Variants in KCNIP4 observed in about 807,000 individuals in gnomAD.
KCNIP4 encodes the protein potassium voltage-gated channel interacting protein 4, also known as Kv channel-interacting protein 4.
In KCNIP4, 12 loss-of-function variants were observed where a neutral mutation model predicts 34.0. That is an observed-to-expected ratio of 0.35 (90% CI 0.23 to 0.57). The LOEUF is 0.57. KCNIP4 is among the 20% of genes least tolerant of loss of function. The probability of loss-of-function intolerance (pLI) is 0.83; values close to 1 mark genes in which losing one functional copy is unlikely to be tolerated. For missense variants in KCNIP4, 238 were observed against 311.7 expected (o/e 0.76, Z 1.78); for synonymous variants, 124 against 102.2 (o/e 1.21, Z -1.29).
At chr4:20,943,700 G>A (rs1358511281) in intron 1 of KCNIP4, among the ~76,000 whole-genome samples, 1 of 152,086 alleles carries the variant, frequency 6.6e-6, no homozygotes, top group Non-Finnish European at 1.5e-5. Context: ...GTCTCTAATA[G>A]TTTCCTCCAC....
chr4:21,169,660 T>G (rs1400290953), intron 1 of KCNIP4, among the ~76,000 whole-genome samples: 1 of 136,208 alleles, frequency 7.3e-6, no homozygotes, highest in Non-Finnish European at 1.6e-5. Flanking sequence ...TACTTTATAT[T>G]TGTGTGTGTG....
At chr4:21,309,958 T>G (rs1712958978) in intron 1 of KCNIP4, among the ~76,000 whole-genome samples, 1 of 151,874 alleles carries the variant, frequency 6.6e-6, no homozygotes. Context: ...AGATACTAGG[T>G]GGTATTTTTC....
At chr4:21,561,593 T>A (rs561018662) in intron 1 of KCNIP4, among the ~76,000 whole-genome samples, 31 of 152,100 alleles carry the variant, frequency 2.0e-4, no homozygotes, top group South Asian at 1.2e-3. Context: ...GCAGTTCTAT[T>A]GTTTTTCCTT....
intron 1 of KCNIP4, among the ~76,000 whole-genome samples, chr4:21,046,296 A>T (rs1412223647): frequency 1.3e-5 from 2 of 152,340 alleles, no homozygotes; most frequent in East Asian, 3.9e-4. Flanking sequence ...AAAGAATCAA[A>T]ACCCTGGACA....
chr4:21,308,720 G>GTA (rs1712780004), intron 1 of KCNIP4, among the ~76,000 whole-genome samples: 2 of 151,908 alleles, frequency 1.3e-5, no homozygotes, highest in Non-Finnish European at 2.9e-5. Context: ...GAGTGTGTGT[G>GTA]TGTGTGTGTG....
Position 21,302,599 on chromosome 4 carries a change from T to C in KCNIP4, c.62-419890A>G, listed in dbSNP as rs559853945. Among the ~76,000 whole-genome samples, 363 of 152,280 alleles carry C rather than the reference T, an allele frequency of 2.4e-3. 1 individual carries two copies. The highest frequency in any genetic ancestry group is 8.4e-3 in the African/African-American group (348 of 41,558). The stretch of plus-strand genomic sequence containing the variant: ...TTCTAGATTTTAGAACTTATCCTCT[T>C]TCTAGAACTACAGATATTTCCATCA... On this transcript the variant is annotated intron_variant, in intron 1 of 8. Coordinates refer to ENST00000382152, the MANE Select transcript of KCNIP4 (RefSeq NM_025221.6).
At chr4:21,363,732 A>G (rs1460433935) in intron 1 of KCNIP4, among the ~76,000 whole-genome samples, 2 of 152,146 alleles carry the variant, frequency 1.3e-5, no homozygotes, top group Non-Finnish European at 2.9e-5. Context: ...AGAGAATCCA[A>G]AGCTTGATAT....
intron 1 of KCNIP4, among the ~76,000 whole-genome samples, chr4:21,350,544 T>G (rs1471309522): frequency 6.6e-6 from 1 of 152,174 alleles, no homozygotes; most frequent in Non-Finnish European, 1.5e-5. Flanking sequence ...TAATGTGTCA[T>G]GGAAATGCAG....
Position 20,896,550 on chromosome 4 carries a change from G to A in KCNIP4, c.62-13841C>T, listed in dbSNP as rs140331631. Among the ~76,000 whole-genome samples, 1,447 of 152,230 alleles carry A rather than the reference G, an allele frequency of 9.5e-3. 20 individuals carry two copies. The highest frequency in any genetic ancestry group is 0.041 in the Middle Eastern group (12 of 292). ...GTGAGGACAGAGGCAAAGATTGAAG[G>A]GAAGCCAGCTAAGAGCCAAGAAATG... On this transcript the variant is annotated intron_variant, in intron 1 of 8. Transcript: ENST00000382152.
chr4:21,395,360 G>C (rs1288643450), intron 1 of KCNIP4, among the ~76,000 whole-genome samples: 2 of 152,066 alleles, frequency 1.3e-5, no homozygotes, highest in Admixed American at 6.6e-5. Flanking sequence ...TTAATCTTCT[G>C]TCTGTTTTCC....
At chr4:20,989,508 A>G (rs906867955) in intron 1 of KCNIP4, among the ~76,000 whole-genome samples, 3 of 152,198 alleles carry the variant, frequency 2.0e-5, no homozygotes, top group Non-Finnish European at 2.9e-5. Context: ...GTAAAATTCT[A>G]GAAGGAAAAT....
intron 1 of KCNIP4, among the ~76,000 whole-genome samples, chr4:21,204,523 T>A (rs756246113): frequency 6.6e-6 from 1 of 152,158 alleles, no homozygotes; most frequent in African/African-American, 2.4e-5. Context: ...CTGCCAATGA[T>A]TGGTTTTAGA....
intron 1 of KCNIP4, among the ~76,000 whole-genome samples, chr4:21,463,329 C>G (rs1027162708): frequency 6.6e-6 from 1 of 151,876 alleles, no homozygotes; most frequent in Non-Finnish European, 1.5e-5. Context: ...TGAGAAATGT[C>G]TAGTCAGGTC....
chr4:21,084,192 T>G (rs988187651), intron 1 of KCNIP4, among the ~76,000 whole-genome samples: 1 of 151,878 alleles, frequency 6.6e-6, no homozygotes, highest in Non-Finnish European at 1.5e-5. Context: ...TGCTCTCACA[T>G]GTATTTTAGG....
chr4:21,196,492 C>T (rs17448782), intron 1 of KCNIP4, among the ~76,000 whole-genome samples: 23 of 152,088 alleles, frequency 1.5e-4, no homozygotes, highest in African/African-American at 1.7e-4. Context: ...GCAGATGCCT[C>T]ATCTTAGCAA....
At chr4:21,234,215 T>A (rs1305422362) in intron 1 of KCNIP4, among the ~76,000 whole-genome samples, 4 of 104,920 alleles carry the variant, frequency 3.8e-5, no homozygotes, top group East Asian at 5.3e-4. Flanking sequence ...ATAACGTATA[T>A]TATATATAAC....
rs1743379548 is a variant in KCNIP4, at chr4:21,603,489, T to G, written c.61+345082A>C. On this transcript the variant is annotated intron_variant, in intron 1 of 8. Transcript: ENST00000382152. ...AATCCAGTCAAATGTTTTGGCTGGT[T>G]GAGAAATGAAAGCAGGTAAGATATT... Among the ~76,000 whole-genome samples, 2 of 152,132 alleles carry G rather than the reference T, an allele frequency of 1.3e-5. 1 individual carries two copies. The highest frequency in any genetic ancestry group is 4.1e-4 in the South Asian group (2 of 4,828).
At chr4:21,542,604 T>C (rs182809953) in intron 1 of KCNIP4, among the ~76,000 whole-genome samples, 2 of 151,714 alleles carry the variant, frequency 1.3e-5, no homozygotes, top group South Asian at 4.1e-4. Flanking sequence ...AATAATACAA[T>C]GTAAAACAAA....
chr4:20,935,350 A>C (rs1391542379), intron 1 of KCNIP4, among the ~76,000 whole-genome samples: 1 of 152,172 alleles, frequency 6.6e-6, no homozygotes, highest in Non-Finnish European at 1.5e-5. Context: ...TCATCATGAC[A>C]GTCTCTTAAA....
Sources: allele counts gnomAD v4.1 joint callset (sites outside exome capture counted in the v4.1 genomes callset), GRCh38; gene constraint gnomAD v4.1.1; transcripts MANE v1.5; gene names NCBI Gene and HGNC (gene_info 2026-07-23, HGNC 2026-07-21).